The following PXDC1 variants were observed in gnomAD, a reference collection of about 807,000 sequenced individuals.
The protein encoded by PXDC1 is PX domain-containing protein 1.
Under a neutral mutation model 24.4 loss-of-function variants are expected in PXDC1, and 13 were observed. That is an observed-to-expected ratio of 0.53 (90% CI 0.35 to 0.85). The LOEUF is 0.85. Among genes scored for constraint, PXDC1 ranks in the 40% least tolerant of loss-of-function variants. PXDC1 has a pLI of 0.01. For synonymous variants in PXDC1, 162 were observed against 124.9 expected, an observed-to-expected ratio of 1.30 and a Z score of -1.98; for missense variants, 344 against 309.3, an observed-to-expected ratio of 1.11 and a Z score of -0.84.
chr6:3,738,013 C>A (rs1172553496), intron 2 of PXDC1, 44 bp downstream of exon 2: 1 of 1,508,774 alleles, frequency 6.6e-7, no homozygotes, highest in Admixed American at 1.7e-5. Flanking sequence ...GAGGTGCCAG[C>A]ACCTCCCACC....
chr6:3,750,525 C>T (rs114930707), intron 1 of PXDC1, among the ~76,000 whole-genome samples: 2,434 of 152,288 alleles, frequency 0.016, 61 homozygotes, highest in African/African-American at 0.056. Context: ...CCGGCTTCCA[C>T]CCCCTCAGCC....
intron 3 of PXDC1, among the ~76,000 whole-genome samples, chr6:3,734,776 C>A (rs1338885608): frequency 4.7e-5 from 7 of 149,892 alleles, no homozygotes; most frequent in African/African-American, 1.8e-4. Flanking sequence ...ACATTCTTCA[C>A]AGGAATAGAA....
At chr6:3,734,236 G>A (rs893636525) in intron 3 of PXDC1, among the ~76,000 whole-genome samples, 1 of 152,208 alleles carries the variant, frequency 6.6e-6, no homozygotes, top group Non-Finnish European at 1.5e-5. Flanking sequence ...GAGACGGGAG[G>A]CCAGGGCAGG....
chr6:3,751,599 C>A lies in PXDC1; in HGVS notation c.-68G>T. ...CCGCCCGCCCGCAGGAGGCGCGCCC[C>A]GGCCGGGGTCGTCCCGGGTCTGTCC... On this transcript the variant is annotated 5_prime_UTR_variant, in exon 1 of 5. Transcript: ENST00000380283. 7.0e-7 allele frequency: 1 copy of A among 1,423,334 alleles called. No individual in the cohort carries two copies. Among genetic ancestry groups the A allele is most frequent in the Non-Finnish European group, 9.1e-7 (1 of 1,094,552 alleles). The allele number at this position is 1,423,334 out of a possible 1,614,324, so 88.2% of individuals were successfully genotyped here.
At chr6:3,745,208 A>G (rs567646557) in intron 1 of PXDC1, among the ~76,000 whole-genome samples, 5 of 152,286 alleles carry the variant, frequency 3.3e-5, no homozygotes, top group African/African-American at 1.2e-4. Flanking sequence ...TGGGGGGGCC[A>G]CACCCAGAAG....
intron 1 of PXDC1, among the ~76,000 whole-genome samples, chr6:3,742,487 G>A (rs886897788): frequency 6.6e-6 from 1 of 152,312 alleles, no homozygotes; most frequent in South Asian, 2.1e-4. Context: ...GGCAGGTGAA[G>A]AGGGTTGCCT....
chr6:3,739,089 T>C, intron 1 of PXDC1: 1 of 1,180,462 alleles, frequency 8.5e-7, no homozygotes. Flanking sequence ...ACTAACTTTT[T>C]CAGAAGTTCT....
intron 1 of PXDC1, among the ~76,000 whole-genome samples, chr6:3,747,703 C>T (rs1760602257): frequency 6.6e-6 from 1 of 152,200 alleles, no homozygotes; most frequent in East Asian, 1.9e-4. Context: ...AAGTCGGAGC[C>T]CCTTTCTTTG....
At position 3,729,708 on chromosome 6, in the gene PXDC1, C is replaced by T. The variant is rs182001183; in HGVS notation, c.467-2046G>A. 2.7e-4 allele frequency among the ~76,000 whole-genome samples: 41 copies of T among 152,326 alleles called. No individual in the cohort carries two copies. In the East Asian group the frequency reaches 4.8e-3, roughly 18 times the overall value. On this transcript the variant is annotated intron_variant, in intron 3 of 4. Coordinates refer to ENST00000380283, the MANE Select transcript of PXDC1 (RefSeq NM_183373.4). ...AATGGGTGGCAGCACAGAACCACTG[C>T]CTTTATTGTTTTTATTAACTCTGAC... is the stretch of plus-strand genomic sequence containing the variant.
rs931682117 is a variant in PXDC1, at chr6:3,723,319, C to A, written c.*300G>T. ...TGAGAGCGAGCCCCACAGGAACTGT[C>A]CCTGCCCTGGCAGTGCGCAGCCCTG... On this transcript the variant is annotated 3_prime_UTR_variant, in exon 5 of 5. Coordinates refer to ENST00000380283, the MANE Select transcript of PXDC1 (RefSeq NM_183373.4). The A allele has an allele frequency of 2.5e-6, 1 of 400,432 alleles. No homozygotes were observed. Among genetic ancestry groups the A allele is most frequent in the Non-Finnish European group, 4.6e-6 (1 of 219,108 alleles). 24.8% of individuals were successfully genotyped at this position (400,432 alleles called of 1,614,324 possible). A position where few individuals can be genotyped will look rare whatever the true frequency, so the allele number is the denominator to read the frequency against.
intron 3 of PXDC1, among the ~76,000 whole-genome samples, chr6:3,733,809 C>A (rs1760256096): frequency 6.6e-6 from 1 of 152,210 alleles, no homozygotes; most frequent in Non-Finnish European, 1.5e-5. Flanking sequence ...CTTCTACCCA[C>A]AGGCCTAGTG....
intron 3 of PXDC1, among the ~76,000 whole-genome samples, chr6:3,729,797 A>G (rs1436648621): frequency 4.6e-5 from 7 of 152,220 alleles, no homozygotes; most frequent in African/African-American, 1.7e-4. Context: ...GCCAGCTGAC[A>G]GCCCCATCCC....
At chr6:3,742,648 C>G (rs756133954) in intron 1 of PXDC1, among the ~76,000 whole-genome samples, 64 of 152,212 alleles carry the variant, frequency 4.2e-4, no homozygotes, top group Non-Finnish European at 7.9e-4. Flanking sequence ...GAGTTCACAG[C>G]CCCGGAAACT....
In PXDC1 at chr6:3,723,586, A is replaced by G. The variant is rs776604366; in HGVS notation, c.*33T>C. On this transcript the variant is annotated 3_prime_UTR_variant, in exon 5 of 5. Transcript: ENST00000380283. ...TGGACAGCATCAGAGCTGGCAGTGA[A>G]CAGCTGAGGCGGGGGAGGCCTGATA... The G allele has an allele frequency of 6.7e-7, 1 of 1,503,506 alleles. No homozygotes were observed. Among genetic ancestry groups the G allele is most frequent in the Admixed American group, 1.7e-5 (1 of 59,868 alleles). 93.1% of individuals were successfully genotyped at this position (1,503,506 alleles called of 1,614,324 possible).
chr6:3,732,271 T>C (rs550176080), intron 3 of PXDC1, among the ~76,000 whole-genome samples: 2 of 152,288 alleles, frequency 1.3e-5, no homozygotes, highest in East Asian at 3.9e-4. Flanking sequence ...CTAGCCTTCC[T>C]CCCTTTCACC....
intron 1 of PXDC1, among the ~76,000 whole-genome samples, chr6:3,750,883 A>T (rs959428766): frequency 6.6e-6 from 1 of 151,904 alleles, no homozygotes. Context: ...ACGCTTTCCC[A>T]GTGCGCCCGC....
chr6:3,740,831 A>AC (rs1007332781), intron 1 of PXDC1, among the ~76,000 whole-genome samples: 12 of 152,110 alleles, frequency 7.9e-5, no homozygotes, highest in African/African-American at 2.9e-4. Context: ...AGCCCATCCC[A>AC]CCCTCTACAG....
chr6:3,724,988 C>CGGT lies in PXDC1; in HGVS notation c.579-1255_579-1253dup, dbSNP rs1179443835. 6.6e-6 allele frequency among the ~76,000 whole-genome samples: 1 copy of CGGT among 152,122 alleles called. No individual in the cohort carries two copies. The highest frequency in any genetic ancestry group is 2.4e-5 in the African/African-American group (1 of 41,432). ...CCCCGCCTCGGCTTCCCTATGCTCACGGTCCTGGCAACACGAGGCTGGGAC... is the reference window on the plus strand; with the variant it reads ...CCCCGCCTCGGCTTCCCTATGCTCACGGTGGTCCTGGCAACACGAGGCTGGGAC... On this transcript the variant is annotated intron_variant, in intron 4 of 4. Transcript: ENST00000380283. This position sits in a 1 kb window ranked among gnomAD's most constrained non-coding sequence, Gnocchi z 4.5.
chr6:3,731,744 C>T (rs908744048), intron 3 of PXDC1, among the ~76,000 whole-genome samples: 2 of 152,204 alleles, frequency 1.3e-5, no homozygotes, highest in Non-Finnish European at 2.9e-5. Context: ...CCCTCATGAC[C>T]GTAGCACTCT....
Sources: gnomAD v4.1 joint callset for allele counts (sites outside exome capture counted in the v4.1 genomes callset) on GRCh38, gnomAD v4.1.1 for gene constraint, Gnocchi (gnomAD v3.1) non-coding constraint, MANE v1.5 for transcripts, NCBI Gene and HGNC (gene_info 2026-07-23, HGNC 2026-07-21) for gene names.